Variants in IKBKB-DT observed in about 807,000 individuals in gnomAD.
IKBKB-DT encodes the protein IKBKB antisense RNA.
At chr8:42,251,119 G>C (rs982118858) in intron 3 of IKBKB-DT, among the ~76,000 whole-genome samples, 10 of 152,124 alleles carry the variant, frequency 6.6e-5, no homozygotes, top group African/African-American at 2.4e-4. Flanking sequence ...TACCAAAAGT[G>C]TTAGAAATAG....
rs528639442 is a variant in IKBKB-DT, at chr8:42,250,305, G to A, written n.1529+13024C>T. On this transcript the variant is annotated intron_variant and non_coding_transcript_variant, in intron 3 of 3. Coordinates refer to ENST00000518213, the Ensembl canonical transcript of IKBKB-DT. ...GTTGGTGGATCCAGGTGGAGCCATC[G>A]GTATCAGACATACAAAAAAACCTGA... 3.9e-5 allele frequency among the ~76,000 whole-genome samples: 6 copies of A among 152,180 alleles called. No homozygotes were observed. In the South Asian group the frequency reaches 8.3e-4, roughly 21 times the overall value.
intron 3 of IKBKB-DT, among the ~76,000 whole-genome samples, chr8:42,253,816 T>A (rs1004757968): frequency 2.0e-5 from 3 of 152,228 alleles, no homozygotes; most frequent in Admixed American, 1.3e-4. Context: ...GCATCCACCC[T>A]ACTGCTGTGC....
intron 3 of IKBKB-DT, among the ~76,000 whole-genome samples, chr8:42,255,117 C>T (rs1266871929): frequency 3.3e-5 from 5 of 152,150 alleles, no homozygotes; most frequent in Non-Finnish European, 5.9e-5. Flanking sequence ...AGCACCTCTG[C>T]CCGGCCACCC....
intron 3 of IKBKB-DT, among the ~76,000 whole-genome samples, chr8:42,242,471 T>A (rs1409733849): frequency 6.6e-6 from 1 of 152,150 alleles, no homozygotes; most frequent in East Asian, 1.9e-4. Context: ...ATCAAGGAAG[T>A]AGGGTCTCTA....
intron 1 of IKBKB-DT, among the ~76,000 whole-genome samples, chr8:42,267,688 T>C (rs1585471157): frequency 6.6e-6 from 1 of 152,286 alleles, no homozygotes; most frequent in Middle Eastern, 3.4e-3. Context: ...AGGGGACATT[T>C]TTCTGCTGAA....
At chr8:42,269,867 C>A (rs1784350654) in intron 1 of IKBKB-DT, among the ~76,000 whole-genome samples, 1 of 152,166 alleles carries the variant, frequency 6.6e-6, no homozygotes, top group African/African-American at 2.4e-5. Flanking sequence ...TATGAGCCCG[C>A]CTGTCCCCCT....
chr8:42,254,406 G>A (rs370656595), intron 3 of IKBKB-DT, among the ~76,000 whole-genome samples: 18 of 151,564 alleles, frequency 1.2e-4, no homozygotes, highest in African/African-American at 1.9e-4. Context: ...AGTGAGGAGC[G>A]CCTCTGCCCA....
At position 42,268,075 on chromosome 8, in the gene IKBKB-DT, C is replaced by T. The variant is rs145240389; in HGVS notation, n.604-1679G>A. ...AGGATTAAAGAGAAACCTTTTATGA[C>T]ATTGTACTGGAAATGGACTCTCCAC... On this transcript the variant is annotated intron_variant and non_coding_transcript_variant, in intron 1 of 3. Transcript: ENST00000518213. Among the ~76,000 whole-genome samples the T allele has an allele frequency of 5.3e-4, 80 of 150,978 alleles. 1 individual carries two copies. The highest frequency in any genetic ancestry group is 3.4e-4 in the Non-Finnish European group (23 of 67,886).
intron 1 of IKBKB-DT, among the ~76,000 whole-genome samples, chr8:42,267,821 T>A (rs76361874): frequency 1.3e-5 from 2 of 151,990 alleles, no homozygotes; most frequent in Non-Finnish European, 2.9e-5. Context: ...ATAATAAATA[T>A]CTTGGAATAT....
intron 3 of IKBKB-DT, among the ~76,000 whole-genome samples, chr8:42,251,201 C>T (rs929858241): frequency 6.6e-6 from 1 of 152,218 alleles, no homozygotes; most frequent in African/African-American, 2.4e-5. Flanking sequence ...TTACTTTCTG[C>T]AGAAAGGGTG....
intron 3 of IKBKB-DT, among the ~76,000 whole-genome samples, chr8:42,241,792 T>C (rs1196907080): frequency 6.6e-6 from 1 of 152,176 alleles, no homozygotes; most frequent in African/African-American, 2.4e-5. Flanking sequence ...AAAAGTCATG[T>C]TAATGCTGGC....
chr8:42,239,255 G>A (rs986256998), intron 3 of IKBKB-DT, among the ~76,000 whole-genome samples: 3 of 151,956 alleles, frequency 2.0e-5, no homozygotes, highest in African/African-American at 7.2e-5. Context: ...CAGCTACGGG[G>A]CCTCTCCTGT....
At chr8:42,266,756 C>T (rs185841767) in intron 1 of IKBKB-DT, among the ~76,000 whole-genome samples, 22 of 152,226 alleles carry the variant, frequency 1.4e-4, no homozygotes, top group African/African-American at 5.1e-4. Context: ...AAGATGGCCA[C>T]GAGAGTGACA....
At chr8:42,258,850 T>TAGAAACTAAGCAATCATTA (rs1424175037) in intron 3 of IKBKB-DT, among the ~76,000 whole-genome samples, 1 of 152,142 alleles carries the variant, frequency 6.6e-6, no homozygotes, top group Admixed American at 6.6e-5. Context: ...TGGTTTTCAC[T>TAGAAACTAAGCAATCATTA]AGAAACTAAG....
At chr8:42,240,119 A>G (rs893730251) in intron 3 of IKBKB-DT, among the ~76,000 whole-genome samples, 3 of 152,132 alleles carry the variant, frequency 2.0e-5, no homozygotes, top group Non-Finnish European at 4.4e-5. Context: ...AAACTATGAT[A>G]CAGCCTCTAG....
intron 3 of IKBKB-DT, chr8:42,249,443 G>GTGTA (rs537297988): frequency 1.6e-4 from 24 of 150,324 alleles, no homozygotes; most frequent in African/African-American, 5.7e-4. Flanking sequence ...GTGTGTGTGT[G>GTGTA]TACATATATA....
intron 3 of IKBKB-DT, among the ~76,000 whole-genome samples, chr8:42,240,305 C>A (rs1318820231): frequency 6.6e-6 from 1 of 151,608 alleles, no homozygotes; most frequent in Non-Finnish European, 1.5e-5. Flanking sequence ...AATTCTAAGC[C>A]TGTCTCTTAA....
chr8:42,233,689 C>T (rs1806884784), exon 4 of IKBKB-DT: 1 of 152,108 alleles, frequency 6.6e-6, no homozygotes, highest in Admixed American at 6.6e-5. Flanking sequence ...GTGCAGGAGA[C>T]CAGTTTTATT....
intron 1 of IKBKB-DT, chr8:42,270,608 GT>G: frequency 6.6e-6 from 1 of 152,284 alleles, no homozygotes; most frequent in Non-Finnish European, 1.5e-5. Context: ...TCCTTTGGTA[GT>G]TTTTTTCTGC....
Sources: allele counts gnomAD v4.1 joint callset (sites outside exome capture counted in the v4.1 genomes callset), GRCh38; gene constraint gnomAD v4.1.1; transcripts MANE v1.5; gene names NCBI Gene and HGNC (gene_info 2026-07-23, HGNC 2026-07-21).